MAP4K5: variants seen among roughly 807,000 people sequenced by gnomAD.
The protein encoded by MAP4K5 is MAPK/ERK kinase kinase kinase 5.
Under a neutral mutation model 135.6 loss-of-function variants are expected in MAP4K5, and 82 were observed. That is an observed-to-expected ratio of 0.60 (90% confidence interval 0.51 to 0.73). The LOEUF (loss-of-function observed/expected upper bound fraction) is 0.73. MAP4K5 is among the 30% of genes least tolerant of loss of function. The probability of loss-of-function intolerance (pLI) is 0.00; values close to 1 mark genes in which losing one functional copy is unlikely to be tolerated. For synonymous variants in MAP4K5, 347 were observed against 335.0 expected (o/e 1.04, Z -0.39); for missense variants, 907 against 1,010.9 (o/e 0.90, Z 1.39).
At chr14:50,476,407 T>A (rs895957243) in intron 6 of MAP4K5, 101 bp from the exon 7 acceptor site, 1 of 549,326 alleles carries the variant, frequency 1.8e-6, no homozygotes, top group African/African-American at 2.0e-5. Context: ...AAAACTAGAA[T>A]GTCTTTTTTG....
intron 27 of MAP4K5, 75 bp downstream of exon 27, chr14:50,434,887 G>A: frequency 1.2e-6 from 1 of 824,520 alleles, no homozygotes; most frequent in South Asian, 1.7e-5. Context: ...AGTAGTATTG[G>A]GATCTGCTAA....
In MAP4K5 at chr14:50,531,891, T is replaced by C. The variant is rs2038398108; in HGVS notation, c.108+51A>G. On this transcript the variant is annotated intron_variant, in intron 2 of 32. Coordinates refer to ENST00000682126, the MANE Select transcript of MAP4K5 (RefSeq NM_006575.6). ...AATACTTCGCAGGAAAGTGGCCCCA[T>C]TCCCGGGACCCAGTCGACCGCAGGA... 1.4e-5 allele frequency: 18 copies of C among 1,269,456 alleles called. No homozygotes were observed. The South Asian group carries it at 1.9e-4, about 13-fold the overall frequency. The allele number at this position is 1,269,456 out of a possible 1,614,324, so 78.6% of individuals were successfully genotyped here. A position where few individuals can be genotyped will look rare whatever the true frequency, so the allele number is the denominator to read the frequency against.
At chr14:50,550,328 A>G (rs2038686404) in intron 1 of MAP4K5, among the ~76,000 whole-genome samples, 1 of 152,206 alleles carries the variant, frequency 6.6e-6, no homozygotes, top group African/African-American at 2.4e-5. Context: ...ATAATGTTAC[A>G]AGGAGTAGAT....
At chr14:50,546,254 A>G (rs2038630170) in intron 1 of MAP4K5, among the ~76,000 whole-genome samples, 1 of 152,238 alleles carries the variant, frequency 6.6e-6, no homozygotes, top group African/African-American at 2.4e-5. Context: ...AAGTTTAGCC[A>G]TATGAAGGGG....
At chr14:50,522,539 TA>T (rs775246801) in intron 2 of MAP4K5, among the ~76,000 whole-genome samples, 2 of 152,158 alleles carry the variant, frequency 1.3e-5, no homozygotes, top group Non-Finnish European at 2.9e-5. Flanking sequence ...ATCATCCCAA[TA>T]AAACATGTTT....
chr14:50,536,424 A>G (rs1423293173), upstream of MAP4K5, among the ~76,000 whole-genome samples: 1 of 132,228 alleles, frequency 7.6e-6, no homozygotes, highest in African/African-American at 3.0e-5. Flanking sequence ...CAACAAGAGC[A>G]AAACTCTGTC....
chr14:50,532,394 C>T (rs2038417471), intron 1 of MAP4K5, 54 bp downstream of exon 1: 1 of 256,344 alleles, frequency 3.9e-6, no homozygotes, highest in Admixed American at 5.6e-5. Flanking sequence ...AGGGCCGGCT[C>T]CGTACCTAAT....
chr14:50,424,362 A>G (rs1427310917), intron 31 of MAP4K5, among the ~76,000 whole-genome samples: 1 of 152,144 alleles, frequency 6.6e-6, no homozygotes, highest in Non-Finnish European at 1.5e-5. Context: ...TCAAGACTTT[A>G]GCTAGGCCCA....
intron 30 of MAP4K5, 145 bp from the exon 31 acceptor site, chr14:50,426,122 T>C: frequency 2.1e-6 from 1 of 478,772 alleles, no homozygotes; most frequent in Non-Finnish European, 3.7e-6. Flanking sequence ...CTCAACATTT[T>C]TGTGGCTAAG....
At chr14:50,490,159 G>GTGTGTGTGTGTGTGTGTGTGTGTGTGTA (rs71441284) in intron 3 of MAP4K5, among the ~76,000 whole-genome samples, 8 of 138,006 alleles carry the variant, frequency 5.8e-5, no homozygotes, top group East Asian at 2.2e-4. Context: ...GTGTGTGTGT[G>GTGTGTGTGTGTGTGTGTGTGTGTGTGTA]TAAGGGAACT....
At chr14:50,546,500 T>C (rs1468184841) in intron 1 of MAP4K5, among the ~76,000 whole-genome samples, 1 of 152,202 alleles carries the variant, frequency 6.6e-6, no homozygotes, top group Non-Finnish European at 1.5e-5. Flanking sequence ...CACATTAAGG[T>C]AAAGTCAAGT....
chr14:50,464,166 C>T, intron 11 of MAP4K5, 33 bp from the exon 12 acceptor site: 1 of 1,033,702 alleles, frequency 9.7e-7, no homozygotes, highest in Non-Finnish European at 1.5e-6. Flanking sequence ...AAAAATATTT[C>T]ACTACTATTA....
Position 50,434,416 on chromosome 14 carries a change from T to C in MAP4K5, c.2142A>G (p.Ser714=). Residue 714 remains serine (S), a synonymous_variant, in exon 28 of 33, where the codon TCA becomes TCG. Coordinates refer to ENST00000682126, the MANE Select transcript of MAP4K5 (RefSeq NM_006575.6). ...FETINLNSAS[S]WFTEIGAGSQ... ...TACCTGCACCAATTTCTGTAAACCA[T>C]GAAGATGCAGAGTTCAAATTGATTG... The C allele has an allele frequency of 1.2e-6, 2 of 1,607,336 alleles. No individual in the cohort carries two copies. Among genetic ancestry groups the C allele is most frequent in the East Asian group, 2.2e-5 (1 of 44,728 alleles).
At chr14:50,459,896 C>T (rs886159881) in intron 13 of MAP4K5, among the ~76,000 whole-genome samples, 3 of 151,924 alleles carry the variant, frequency 2.0e-5, no homozygotes, top group South Asian at 4.1e-4. Flanking sequence ...AATGGGGTTT[C>T]GCTACGTTGC....
At chr14:50,435,837 T>C (rs773723233) in intron 26 of MAP4K5, among the ~76,000 whole-genome samples, 4 of 152,150 alleles carry the variant, frequency 2.6e-5, no homozygotes, top group Non-Finnish European at 4.4e-5. Context: ...CCAAATTTGA[T>C]TTCCATTAAT....
At chr14:50,485,866 TACTTGTAATC>T in intron 4 of MAP4K5, 2 of 541,278 alleles carry the variant, frequency 3.7e-6, no homozygotes, top group East Asian at 6.3e-5. Context: ...TTAAAACACT[TACTTGTAATC>T]ACTTATGTTT....
intron 3 of MAP4K5, among the ~76,000 whole-genome samples, chr14:50,492,428 C>CAA (rs138426858): frequency 1.3e-5 from 2 of 151,142 alleles, no homozygotes; most frequent in African/African-American, 4.9e-5. Context: ...TCTGTCTCCA[C>CAA]AAAAAAAACA....
At chr14:50,490,130 A>AGTGTGTGTGTGT (rs34549753) in intron 3 of MAP4K5, among the ~76,000 whole-genome samples, 9 of 121,252 alleles carry the variant, frequency 7.4e-5, no homozygotes, top group East Asian at 3.6e-4. Context: ...AGCGAGTGAG[A>AGTGTGTGTGTGT]GTGTGTGTGT....
At chr14:50,552,245 C>G (rs1244212851) in intron 1 of MAP4K5, among the ~76,000 whole-genome samples, 1 of 151,536 alleles carries the variant, frequency 6.6e-6, no homozygotes, top group Non-Finnish European at 1.5e-5. Context: ...ATCAAGTACT[C>G]AATCCCTTTT....
Sources: gnomAD v4.1 joint callset for allele counts (sites outside exome capture counted in the v4.1 genomes callset) on GRCh38, gnomAD v4.1.1 for gene constraint, MANE v1.5 for transcripts, NCBI Gene and HGNC (gene_info 2026-07-23, HGNC 2026-07-21) for gene names.